C11orf65: variants seen among roughly 807,000 people sequenced by gnomAD.
C11orf65 encodes protein MFI.
C11orf65 carries 38 observed loss-of-function variants against 35.3 expected under a neutral mutation model. That is an observed-to-expected ratio of 1.08 (90% CI 0.83 to 1.41). C11orf65 has a LOEUF of 1.41. Ranked by LOEUF, C11orf65 falls within the 40% of genes most tolerant of loss-of-function variation. The pLI is 0.00. For missense variants in C11orf65, 370 were observed against 367.1 expected (o/e 1.01, Z -0.06); for synonymous variants, 105 against 114.4 (o/e 0.92, Z 0.53).
At chr11:108,327,651 C>A (rs769606850), downstream of C11orf65, 1 of 1,613,328 alleles carries the variant, frequency 6.2e-7, no homozygotes, top group South Asian at 1.1e-5. Flanking sequence ...ACAGAACAAT[C>A]CCAGCCTAAA....
chr11:108,367,775 T>C (rs1028130059), intron 2 of C11orf65: 1 of 215,976 alleles, frequency 4.6e-6, no homozygotes, highest in African/African-American at 2.3e-5. Flanking sequence ...TTGGTTTGAC[T>C]TCTGGAGAAC....
chr11:108,391,712 G>A (rs186593), intron 7 of C11orf65, among the ~76,000 whole-genome samples: 81,080 of 150,894 alleles, frequency 0.54, 22,353 homozygotes, highest in Middle Eastern at 0.75. Context: ...CATTGCCTCA[G>A]AAAGAGACCC....
At chr11:108,400,740 G>A (rs1447022819) in intron 6 of C11orf65, among the ~76,000 whole-genome samples, 2 of 152,142 alleles carry the variant, frequency 1.3e-5, no homozygotes, top group African/African-American at 2.4e-5. Flanking sequence ...AAAGGAACCA[G>A]TTCCATCACA....
Position 108,415,791 on chromosome 11 carries a change from C to A in C11orf65, c.175-8642G>T, listed in dbSNP as rs1237761215. ...TAAATCAATGCAACAGAAGACAGAG[C>A]CCAGAAATAGACCCACACAAACAGT... On this transcript the variant is annotated intron_variant, in intron 3 of 8. Transcript: ENST00000393084. Among the ~76,000 whole-genome samples, 9 of 152,140 alleles carry A rather than the reference C, an allele frequency of 5.9e-5. No individual in the cohort carries two copies. In the South Asian group the frequency reaches 1.9e-3, roughly 32 times the overall value.
At chr11:108,398,285 A>G (rs779539605) in intron 6 of C11orf65, among the ~76,000 whole-genome samples, 2 of 152,156 alleles carry the variant, frequency 1.3e-5, no homozygotes, top group Non-Finnish European at 2.9e-5. Context: ...GATTTGGGAG[A>G]TATTTTGGAA....
intron 3 of C11orf65, among the ~76,000 whole-genome samples, chr11:108,410,126 CCAAA>C (rs1208626622): frequency 1.3e-5 from 2 of 152,092 alleles, no homozygotes; most frequent in East Asian, 1.9e-4. Flanking sequence ...CTAGTGACTA[CCAAA>C]GAGTTTTCCA....
rs2092521334 is a variant in C11orf65 at position 108,405,327 on chromosome 11, C to T, written c.560+102G>A. On this transcript the variant is annotated intron_variant, in intron 6 of 8. Transcript: ENST00000393084. ...TTGGGTCAGGGTCTGCGGGCAGACC[C>T]CCTGCAGCTAATGCCCTCTTGTGAG... The T allele has an allele frequency of 5.0e-6, 6 of 1,196,448 alleles. No homozygotes were observed. In the South Asian group the frequency reaches 7.7e-5, roughly 15 times the overall value. The allele number at this position is 1,196,448 out of a possible 1,614,324, so 74.1% of individuals were successfully genotyped here.
At chr11:108,421,821 A>C (rs1368257537) in intron 3 of C11orf65, among the ~76,000 whole-genome samples, 2 of 152,144 alleles carry the variant, frequency 1.3e-5, no homozygotes, top group Non-Finnish European at 2.9e-5. Flanking sequence ...GTAGGCAAAA[A>C]CACCACCCTG....
At chr11:108,391,363 C>A (rs172894) in intron 7 of C11orf65, among the ~76,000 whole-genome samples, 94,285 of 152,002 alleles carry the variant, frequency 0.62, 29,550 homozygotes, top group Middle Eastern at 0.76. Context: ...AGAGTTGTGG[C>A]TCCACCACCA....
chr11:108,458,172 TTTTC>T (rs2093429700), intron 2 of C11orf65, among the ~76,000 whole-genome samples: 1 of 152,024 alleles, frequency 6.6e-6, no homozygotes, highest in Admixed American at 6.6e-5. Flanking sequence ...TCTATCTTTT[TTTTC>T]TTTCTTTTTC....
chr11:108,331,742 C>T, intron 3 of C11orf65: 1 of 1,288,928 alleles, frequency 7.8e-7, no homozygotes, highest in Non-Finnish European at 1.1e-6. Context: ...CTGCCTTTTT[C>T]TCACACATGC....
chr11:108,409,729 G>GA (rs2138714388), intron 3 of C11orf65, among the ~76,000 whole-genome samples: 1 of 152,196 alleles, frequency 6.6e-6, no homozygotes, highest in South Asian at 2.1e-4. Flanking sequence ...GAGCATTACT[G>GA]CCTGAGCTCC....
In C11orf65 at chr11:108,451,060, G is replaced by A. The variant is rs543722948; in HGVS notation, c.81+10419C>T. On this transcript the variant is annotated intron_variant, in intron 2 of 8. Transcript: ENST00000393084. ...ACCCACAGCCAATATCATACTGAAT[G>A]GGCAAAAACTGGAAGCATTCCCTTT... is the stretch of plus-strand genomic sequence containing the variant. Among the ~76,000 whole-genome samples the A allele has an allele frequency of 3.5e-3, 527 of 151,986 alleles. 10 individuals carry two copies. Among genetic ancestry groups the A allele is most frequent in the African/African-American group, 0.012 (508 of 41,296 alleles).
chr11:108,438,290 G>C (rs970273507), intron 2 of C11orf65, among the ~76,000 whole-genome samples: 1 of 152,092 alleles, frequency 6.6e-6, no homozygotes, highest in South Asian at 2.1e-4. Context: ...AGTGGCTCAC[G>C]CCTATAATTT....
intron 1 of C11orf65, among the ~76,000 whole-genome samples, chr11:108,466,377 C>G (rs1039203979): frequency 2.6e-5 from 4 of 152,064 alleles, no homozygotes; most frequent in Non-Finnish European, 5.9e-5. Context: ...GGTTTGAGAC[C>G]AGCCTGGCCA....
At chr11:108,329,400 GT>G (rs2086023978), downstream of C11orf65, 1 of 708,294 alleles carries the variant, frequency 1.4e-6, no homozygotes, top group Non-Finnish European at 2.3e-6. Flanking sequence ...GTTCTTTTCG[GT>G]TTTTGTTTTT....
At chr11:108,455,829 A>AC (rs1565724306) in intron 2 of C11orf65, among the ~76,000 whole-genome samples, 1 of 149,422 alleles carries the variant, frequency 6.7e-6, no homozygotes, top group East Asian at 1.9e-4. Flanking sequence ...AAAAAAAAAA[A>AC]AAAAAAAAAA....
At chr11:108,357,310 G>C (rs145703988) in intron 2 of C11orf65, among the ~76,000 whole-genome samples, 3 of 148,170 alleles carry the variant, frequency 2.0e-5, no homozygotes, top group Non-Finnish European at 3.0e-5. Flanking sequence ...ACGGAGTCTC[G>C]CTGATTGCTA....
chr11:108,419,095 C>A (rs2092780082), intron 3 of C11orf65, among the ~76,000 whole-genome samples: 1 of 152,086 alleles, frequency 6.6e-6, no homozygotes, highest in African/African-American at 2.4e-5. Context: ...AAAAGAAATT[C>A]AGAAAATAAA....
Sources: gnomAD v4.1 joint callset for allele counts (sites outside exome capture counted in the v4.1 genomes callset) on GRCh38, gnomAD v4.1.1 for gene constraint, MANE v1.5 for transcripts, NCBI Gene and HGNC (gene_info 2026-07-23, HGNC 2026-07-21) for gene names.